The following TYW5 variants were observed in gnomAD, a reference collection of about 807,000 sequenced individuals.
The protein encoded by TYW5 is tRNA-yW synthesizing protein 5.
In TYW5, 36 loss-of-function variants were observed where a neutral mutation model predicts 44.4. The observed-to-expected ratio is 0.81, with a 90% CI of 0.62 to 1.07. The LOEUF is 1.07. Among genes scored for constraint, TYW5 ranks in the 50% least tolerant of loss-of-function variants. TYW5 has a pLI of 0.00. For missense variants in TYW5, 354 were observed against 365.7 expected, an observed-to-expected ratio of 0.97 and a Z score of 0.26; for synonymous variants, 121 against 128.1, an observed-to-expected ratio of 0.94 and a Z score of 0.37.
rs890988047 is a variant in TYW5, at chr2:199,932,956, G to A, written c.*111C>T. The A allele has an allele frequency of 5.1e-5, 65 of 1,277,310 alleles. No individual in the cohort carries two copies. The highest frequency in any genetic ancestry group is 1.2e-4 in the Admixed American group (5 of 42,714). 79.1% of individuals were successfully genotyped at this position (1,277,310 alleles called of 1,614,324 possible). ...GTAGAATCCACACAAACACCCCTTC[G>A]TACTTACATAATCTGTAAATCTGAT... On this transcript the variant is annotated 3_prime_UTR_variant, in exon 8 of 8. Coordinates refer to ENST00000354611, the MANE Select transcript of TYW5 (RefSeq NM_001039693.3).
rs2105686502 is a variant in TYW5 at position 199,932,398 on chromosome 2, C to T, written c.*669G>A. 1 of 152,302 alleles carries T rather than the reference C, an allele frequency of 6.6e-6. No homozygotes were observed. The highest frequency in any genetic ancestry group is 2.1e-4 in the South Asian group (1 of 4,820). The allele number at this position is 152,302 out of a possible 1,614,324, so 9.4% of individuals were successfully genotyped here. ...ACTATCCTTTCTGTCCCCATATATC[C>T]CTCATGTGGCCTCCACTTCTACTCT... On this transcript the variant is annotated 3_prime_UTR_variant, in exon 8 of 8. Transcript: ENST00000354611.
rs187941825 is a variant in TYW5 at position 199,952,900 on chromosome 2, A to G, written c.78+2493T>C. ...TGTGAGATATAAACCGAATTTTATC[A>G]TTTTCTAAGTGAAACTCCTCTGTAT... On this transcript the variant is annotated intron_variant, in intron 1 of 7. Transcript: ENST00000354611. Among the ~76,000 whole-genome samples the G allele has an allele frequency of 2.2e-3, 341 of 152,316 alleles. 2 individuals carry two copies. Among genetic ancestry groups the G allele is most frequent in the African/African-American group, 7.8e-3 (323 of 41,566 alleles).
intron 5 of TYW5, among the ~76,000 whole-genome samples, chr2:199,937,685 A>AATCATCATC (rs765908544): frequency 5.3e-5 from 8 of 151,422 alleles, no homozygotes; most frequent in Admixed American, 2.0e-4. Context: ...CAACAACAAC[A>AATCATCATC]ATCATCATCA....
chr2:199,948,695 C>T (rs757176829), intron 1 of TYW5, among the ~76,000 whole-genome samples: 10 of 152,132 alleles, frequency 6.6e-5, no homozygotes, highest in Non-Finnish European at 1.3e-4. Context: ...AACAAAACTG[C>T]AAGACCATCA....
intron 2 of TYW5, 160 bp downstream of exon 2, chr2:199,948,158 T>C (rs991182009): frequency 4.4e-6 from 3 of 676,822 alleles, no homozygotes; most frequent in Non-Finnish European, 7.3e-6. Flanking sequence ...ACTCTTGTCT[T>C]TTAAAAACCA....
chr2:199,943,588 GC>G (rs1327011733), intron 3 of TYW5, 176 bp downstream of exon 3: 1 of 531,586 alleles, frequency 1.9e-6, no homozygotes, highest in Non-Finnish European at 3.3e-6. Flanking sequence ...AAATAATTTG[GC>G]CAAAGTTTGA....
At position 199,933,141 on chromosome 2, in the gene TYW5, C is replaced by T; in HGVS notation, c.874G>A (p.Glu292Lys). Residue 292 changes from glutamate to lysine, a missense_variant, in exon 8 of 8, where the codon GAA becomes AAA. By Grantham distance (56) the Glu-to-Lys change is moderately conservative (BLOSUM62 1). Transcript: ENST00000354611. Reference protein sequence around the residue: ...ALKTLAELPEEYRDFYARRMV... With the variant: ...ALKTLAELPEKYRDFYARRMV... ...CGTCGTGCATAGAAGTCCCTATATT[C>T]CTCTGGTAACTCGGCCAGTGTTTTC... The T allele has an allele frequency of 1.9e-6, 3 of 1,614,126 alleles. No homozygotes were observed. Among genetic ancestry groups the T allele is most frequent in the Non-Finnish European group, 2.5e-6 (3 of 1,180,026 alleles).
chr2:199,936,319 G>A lies in TYW5; in HGVS notation c.574+86C>T. On this transcript the variant is annotated intron_variant, in intron 6 of 7. Transcript: ENST00000354611. The stretch of plus-strand genomic sequence containing the variant: ...TACAATTAGGATTAAGTACTGAAGT[G>A]TTCTTTTCCTATAAGAATCAAGAGA... 5 of 1,171,026 alleles carry A rather than the reference G, an allele frequency of 4.3e-6. No homozygotes were observed. In the South Asian group the frequency reaches 6.8e-5, roughly 16 times the overall value. The allele number at this position is 1,171,026 out of a possible 1,614,324, so 72.5% of individuals were successfully genotyped here. A position where few individuals can be genotyped will look rare whatever the true frequency, so the allele number is the denominator to read the frequency against.
At chr2:199,951,108 T>C (rs2077541447) in intron 1 of TYW5, among the ~76,000 whole-genome samples, 1 of 152,246 alleles carries the variant, frequency 6.6e-6, no homozygotes, top group Admixed American at 6.5e-5. Flanking sequence ...TAGAAATGTT[T>C]TGGGTCTTTA....
chr2:199,951,097 T>C (rs535311641), intron 1 of TYW5, among the ~76,000 whole-genome samples: 1 of 152,366 alleles, frequency 6.6e-6, no homozygotes, highest in South Asian at 2.1e-4. Context: ...ATGTTTAAGA[T>C]TAGAAATGTT....
chr2:199,935,719 A>AACACACACACAC (rs142361195), intron 7 of TYW5, among the ~76,000 whole-genome samples: 7 of 138,202 alleles, frequency 5.1e-5, no homozygotes, highest in African/African-American at 1.6e-4. Context: ...GCCTGCTTTA[A>AACACACACACAC]ACACACACAC....
Position 199,929,102 on chromosome 2 carries a change from C to CAGTT in TYW5, c.*3961_*3964dup, listed in dbSNP as rs2077350473. On this transcript the variant is annotated 3_prime_UTR_variant, in exon 8 of 8. Coordinates refer to ENST00000354611, the MANE Select transcript of TYW5 (RefSeq NM_001039693.3). Reference sequence around the variant, plus strand: ...GGAAGAGACCCAGCAGCTTTTAAGCCAGTTAGTGGTAGAGACAGGCAAGAG... The same window carrying CAGTT: ...GGAAGAGACCCAGCAGCTTTTAAGCCAGTTAGTTAGTGGTAGAGACAGGCAAGAG... Among the ~76,000 whole-genome samples the CAGTT allele has an allele frequency of 4.0e-5, 6 of 151,692 alleles. 1 individual carries two copies. The South Asian group carries it at 8.3e-4, about 21-fold the overall frequency.
intron 3 of TYW5, among the ~76,000 whole-genome samples, chr2:199,940,861 G>C (rs949830513): frequency 6.6e-6 from 1 of 152,010 alleles, no homozygotes; most frequent in South Asian, 2.1e-4. Flanking sequence ...TAAATGTACA[G>C]TAACAGATAA....
chr2:199,950,208 GCA>G (rs542138534), intron 1 of TYW5, among the ~76,000 whole-genome samples: 143 of 151,914 alleles, frequency 9.4e-4, no homozygotes, highest in Middle Eastern at 3.4e-3. Context: ...TATAATACAT[GCA>G]CACACACATA....
intron 3 of TYW5, among the ~76,000 whole-genome samples, chr2:199,940,815 C>T (rs181282828): frequency 2.6e-5 from 4 of 152,122 alleles, no homozygotes; most frequent in Admixed American, 2.0e-4. Flanking sequence ...ATTATTTAGA[C>T]TCTTATTTTA....
Position 199,944,949 on chromosome 2 carries a change from G to A in TYW5, c.234-1115C>T, listed in dbSNP as rs1353555710. ...TAAAGATAAATGTGGAATGTCAGTTGTGATATCAGGTAACACTGTTTATCA... is the reference window on the plus strand; with the variant it reads ...TAAAGATAAATGTGGAATGTCAGTTATGATATCAGGTAACACTGTTTATCA... On this transcript the variant is annotated intron_variant, in intron 2 of 7. Transcript: ENST00000354611. 2.6e-5 allele frequency: 4 copies of A among 152,196 alleles called. No individual in the cohort carries two copies. In the East Asian group the frequency reaches 7.7e-4, roughly 29 times the overall value. 9.4% of individuals were successfully genotyped at this position (152,196 alleles called of 1,614,324 possible). A position where few individuals can be genotyped will look rare whatever the true frequency, so the allele number is the denominator to read the frequency against.
At chr2:199,945,224 A>G (rs1238053796) in intron 2 of TYW5, 1 of 152,168 alleles carries the variant, frequency 6.6e-6, no homozygotes, top group African/African-American at 2.4e-5. Flanking sequence ...CCTTACAACT[A>G]AGCTGTAACT....
chr2:199,935,982 C>G lies in TYW5; in HGVS notation c.640G>C (p.Ala214Pro). 1 of 1,612,926 alleles carries G rather than the reference C, an allele frequency of 6.2e-7. No individual in the cohort carries two copies. The highest frequency in any genetic ancestry group is 8.5e-7 in the Non-Finnish European group (1 of 1,179,434). ...TCAAGGGAACATTCATATCTTCTAGCCTTGGAAAAAAGTGGATATTTAGCC... is the reference window on the plus strand; with the variant it reads ...TCAAGGGAACATTCATATCTTCTAGGCTTGGAAAAAAGTGGATATTTAGCC... ...DLAKYPLFSK[A>P]RRYECSLEAG... Residue 214 changes from alanine to proline, a missense_variant, in exon 7 of 8, where the codon GCT (alanine) becomes CCT (proline). Ala to Pro is a conservative substitution (Grantham distance 27). Transcript: ENST00000354611.
chr2:199,929,297 T>G lies in TYW5; in HGVS notation c.*3770A>C, dbSNP rs947636350. On this transcript the variant is annotated 3_prime_UTR_variant, in exon 8 of 8. Transcript: ENST00000354611. ...CACATGTATACATATGTAACAAACCTGCACGTTGTGCACATGTACCCTAGA... is the reference window on the plus strand; with the variant it reads ...CACATGTATACATATGTAACAAACCGGCACGTTGTGCACATGTACCCTAGA... 1.3e-5 allele frequency among the ~76,000 whole-genome samples: 2 copies of G among 152,158 alleles called. No individual in the cohort carries two copies. Among genetic ancestry groups the G allele is most frequent in the Non-Finnish European group, 2.9e-5 (2 of 68,032 alleles).
Sources: allele counts gnomAD v4.1 joint callset (sites outside exome capture counted in the v4.1 genomes callset), GRCh38; gene constraint gnomAD v4.1.1; transcripts MANE v1.5; gene names NCBI Gene and HGNC (gene_info 2026-07-23, HGNC 2026-07-21).